Variants in COBL observed in about 807,000 individuals in gnomAD.
COBL encodes the protein cordon-bleu WH2 repeat protein.
A neutral mutation model predicts 98.8 loss-of-function variants in COBL; 51 were observed. The observed-to-expected ratio is 0.52, with a 90% CI of 0.41 to 0.65. The LOEUF (loss-of-function observed/expected upper bound fraction) is 0.65. Ranked by LOEUF, COBL falls within the 30% of genes least tolerant of loss-of-function variation. The pLI is 0.00. For synonymous variants in COBL, 634 were observed against 651.7 expected, an observed-to-expected ratio of 0.97 and a Z score of 0.41; for missense variants, 1,617 against 1,617.5, an observed-to-expected ratio of 1.00 and a Z score of 0.01.
chr7:51,252,419 T>C (rs1796803613), intron 1 of COBL, among the ~76,000 whole-genome samples: 2 of 152,184 alleles, frequency 1.3e-5, no homozygotes, highest in African/African-American at 4.8e-5. Flanking sequence ...TGATCCAGTA[T>C]TAATACTTTG....
At chr7:51,315,638 C>CT (rs987914259) in intron 1 of COBL, among the ~76,000 whole-genome samples, 1 of 152,160 alleles carries the variant, frequency 6.6e-6, no homozygotes, top group African/African-American at 2.4e-5. Context: ...TCGAAGGTCC[C>CT]CGGCGCGCCG....
intron 7 of COBL, among the ~76,000 whole-genome samples, chr7:51,045,400 C>G (rs1169287064): frequency 1.3e-5 from 2 of 152,068 alleles, no homozygotes; most frequent in African/African-American, 4.8e-5. Flanking sequence ...CTGGCACTCA[C>G]AGCTTCTGAA....
At chr7:51,260,212 G>T in intron 1 of COBL, 1 of 671,228 alleles carries the variant, frequency 1.5e-6, no homozygotes, top group East Asian at 2.5e-5. Context: ...TCTACCACAT[G>T]GGGAAGATGG....
intron 3 of COBL, 36 bp from the exon 4 acceptor site, chr7:51,191,114 A>G (rs1255387152): frequency 6.3e-7 from 1 of 1,575,782 alleles, no homozygotes; most frequent in Admixed American, 1.7e-5. Flanking sequence ...ATTCAGTAAG[A>G]TATCCTCCCA....
intron 1 of COBL, among the ~76,000 whole-genome samples, chr7:51,288,067 A>G (rs1389237347): frequency 6.6e-6 from 1 of 152,250 alleles, no homozygotes; most frequent in African/African-American, 2.4e-5. Context: ...GTATCTATGC[A>G]CATGTTAAAA....
chr7:51,262,263 C>T (rs1417501561), intron 1 of COBL, among the ~76,000 whole-genome samples: 1 of 152,144 alleles, frequency 6.6e-6, no homozygotes, highest in Non-Finnish European at 1.5e-5. Context: ...AGGGGCACAC[C>T]TGGGAACCCC....
At chr7:51,112,155 C>T (rs1260714820) in intron 6 of COBL, among the ~76,000 whole-genome samples, 1 of 152,014 alleles carries the variant, frequency 6.6e-6, no homozygotes, top group Non-Finnish European at 1.5e-5. Flanking sequence ...GTTGCAAAAG[C>T]ATAAGAGAGG....
chr7:51,212,029 G>T lies in COBL; in HGVS notation c.245+7712C>A, dbSNP rs574075805. 1.3e-3 allele frequency among the ~76,000 whole-genome samples: 204 copies of T among 152,130 alleles called. 2 individuals carry two copies. In the Middle Eastern group the frequency reaches 0.024, roughly 18 times the overall value. The stretch of plus-strand genomic sequence containing the variant: ...GGGGTTATGAGAGCAGGCCTTTCAG[G>T]TTTCTCTCCCCTTCCTCCGCGACAT... On this transcript the variant is annotated intron_variant, in intron 2 of 12. Coordinates refer to ENST00000265136, the MANE Select transcript of COBL (RefSeq NM_015198.5).
intron 7 of COBL, among the ~76,000 whole-genome samples, chr7:51,058,351 C>T (rs1790973516): frequency 1.3e-5 from 2 of 152,170 alleles, no homozygotes; most frequent in East Asian, 3.9e-4. Flanking sequence ...AATGTGAGAC[C>T]AGCCTCAGCA....
chr7:51,125,733 T>C (rs1462584268), intron 6 of COBL, among the ~76,000 whole-genome samples: 1 of 152,148 alleles, frequency 6.6e-6, no homozygotes, highest in Non-Finnish European at 1.5e-5. Context: ...CACATATTCA[T>C]AGCTCTCTTG....
chr7:51,275,359 C>T (rs1554455501), intron 1 of COBL, among the ~76,000 whole-genome samples: 1 of 152,158 alleles, frequency 6.6e-6, no homozygotes, highest in Non-Finnish European at 1.5e-5. Context: ...TAATGCTGTG[C>T]GAAATTGAAG....
In COBL at chr7:51,030,095, G is replaced by A. The variant is rs149756211; in HGVS notation, c.1505-504C>T. On this transcript the variant is annotated intron_variant, in intron 9 of 12. Coordinates refer to ENST00000265136, the MANE Select transcript of COBL (RefSeq NM_015198.5). ...CAATGGTCATGGGGTCAGAACCTGC[G>A]GGACACACTATGGCTGATTCAAATT... Among the ~76,000 whole-genome samples, 289 of 152,258 alleles carry A rather than the reference G, an allele frequency of 1.9e-3. 1 individual carries two copies. The highest frequency in any genetic ancestry group is 6.8e-3 in the Middle Eastern group (2 of 294).
Position 51,184,051 on chromosome 7 carries a change from A to C in COBL, c.783+51T>G, listed in dbSNP as rs1191735643. 1.1e-5 allele frequency: 10 copies of C among 932,504 alleles called. No homozygotes were observed. The South Asian group carries it at 1.7e-4, about 16-fold the overall frequency. The allele number at this position is 932,504 out of a possible 1,614,324, so 57.8% of individuals were successfully genotyped here. ...ACAGGTTGAATGCATGTATTTCAAG[A>C]GACTATTTTTTTTACATGATACAAA... On this transcript the variant is annotated intron_variant, in intron 5 of 12. Transcript: ENST00000265136.
intron 6 of COBL, among the ~76,000 whole-genome samples, chr7:51,098,380 A>C (rs1417154266): frequency 6.6e-6 from 1 of 152,066 alleles, no homozygotes; most frequent in Non-Finnish European, 1.5e-5. Context: ...TTACAAAGCT[A>C]CTATAATGAA....
intron 1 of COBL, among the ~76,000 whole-genome samples, chr7:51,312,979 T>C (rs1048320319): frequency 2.0e-5 from 3 of 152,212 alleles, no homozygotes; most frequent in Non-Finnish European, 2.9e-5. Flanking sequence ...ATATTTTAAT[T>C]ACAAAACATT....
At chr7:51,198,728 G>T (rs760841710) in intron 2 of COBL, among the ~76,000 whole-genome samples, 4 of 152,142 alleles carry the variant, frequency 2.6e-5, no homozygotes, top group Non-Finnish European at 5.9e-5. Flanking sequence ...GGAACTCACA[G>T]GGCACTGGTA....
intron 5 of COBL, among the ~76,000 whole-genome samples, chr7:51,171,717 C>T (rs1284839400): frequency 6.6e-6 from 1 of 152,010 alleles, no homozygotes; most frequent in Non-Finnish European, 1.5e-5. Context: ...TTTATAATCA[C>T]ATCAAATAAA....
At chr7:51,245,067 GTCCCAATT>G (rs1796167844) in intron 1 of COBL, among the ~76,000 whole-genome samples, 1 of 152,012 alleles carries the variant, frequency 6.6e-6, no homozygotes, top group Admixed American at 6.6e-5. Flanking sequence ...TACACCCAAT[GTCCCAATT>G]TCCTCATAGC....
chr7:51,094,694 T>C (rs1452446573), intron 6 of COBL, among the ~76,000 whole-genome samples: 2 of 152,126 alleles, frequency 1.3e-5, no homozygotes, highest in African/African-American at 2.4e-5. Flanking sequence ...TACTCTCTGA[T>C]GGAGTAACTA....
Sources: gnomAD v4.1 joint callset for allele counts (sites outside exome capture counted in the v4.1 genomes callset) on GRCh38, gnomAD v4.1.1 for gene constraint, MANE v1.5 for transcripts, NCBI Gene and HGNC (gene_info 2026-07-23, HGNC 2026-07-21) for gene names.